FGF12: variants seen among roughly 807,000 people sequenced by gnomAD.
FGF12 encodes the protein fibroblast growth factor 12, also known as fibroblast growth factor 12B.
A neutral mutation model predicts 23.6 loss-of-function variants in FGF12; 14 were observed. The observed-to-expected ratio is 0.59, with a 90% CI of 0.39 to 0.93. FGF12 has a LOEUF of 0.93. Ranked by LOEUF, FGF12 falls within the 40% of genes least tolerant of loss-of-function variation. The probability of loss-of-function intolerance (pLI) is 0.00; values close to 1 mark genes in which losing one functional copy is unlikely to be tolerated. For synonymous variants in FGF12, 62 were observed against 77.3 expected (o/e 0.80, Z 1.04); for missense variants, 175 against 217.8 (o/e 0.80, Z 1.24).
intron 2 of FGF12, among the ~76,000 whole-genome samples, chr3:192,613,502 C>G (rs1043645415): frequency 2.0e-5 from 3 of 151,998 alleles, no homozygotes; most frequent in Admixed American, 6.6e-5. Flanking sequence ...ATTATTATAT[C>G]TAGGTTCGGA....
intron 4 of FGF12, among the ~76,000 whole-genome samples, chr3:192,257,625 T>C (rs1712483766): frequency 6.6e-6 from 1 of 152,120 alleles, no homozygotes; most frequent in Non-Finnish European, 1.5e-5. Flanking sequence ...AATATTTTGG[T>C]GCTGATTTTG....
At chr3:192,535,179 A>G (rs1205159002) in intron 2 of FGF12, among the ~76,000 whole-genome samples, 2 of 152,222 alleles carry the variant, frequency 1.3e-5, no homozygotes, top group African/African-American at 4.8e-5. Flanking sequence ...TCACAAAATC[A>G]ACTATAATAA....
At chr3:192,303,510 A>G (rs770810085) in intron 4 of FGF12, among the ~76,000 whole-genome samples, 57 of 152,204 alleles carry the variant, frequency 3.7e-4, no homozygotes, top group Non-Finnish European at 6.8e-4. Context: ...TGGCAACTCC[A>G]GTGAAGACTG....
intron 2 of FGF12, among the ~76,000 whole-genome samples, chr3:192,492,662 A>G (rs976919618): frequency 2.3e-4 from 35 of 152,320 alleles, no homozygotes; most frequent in South Asian, 1.7e-3. Flanking sequence ...CACCATTACT[A>G]GGACAAAGCT....
intron 2 of FGF12, among the ~76,000 whole-genome samples, chr3:192,543,129 T>C (rs1725412375): frequency 7.7e-6 from 1 of 129,240 alleles, no homozygotes; most frequent in Non-Finnish European, 1.7e-5. Flanking sequence ...CGTCTAGCGA[T>C]GTTTTTCAGA....
chr3:192,651,242 T>G (rs1176027533), intron 2 of FGF12, among the ~76,000 whole-genome samples: 1 of 152,170 alleles, frequency 6.6e-6, no homozygotes, highest in Non-Finnish European at 1.5e-5. Context: ...TGTTGAAGCC[T>G]TCAGAGTGGG....
intron 2 of FGF12, among the ~76,000 whole-genome samples, chr3:192,549,103 G>C (rs1161786531): frequency 6.6e-6 from 1 of 152,068 alleles, no homozygotes; most frequent in Non-Finnish European, 1.5e-5. Flanking sequence ...TGTTGCTCAG[G>C]CTAAGAAATC....
intron 2 of FGF12, among the ~76,000 whole-genome samples, chr3:192,417,957 T>C (rs1721406810): frequency 6.6e-6 from 1 of 151,982 alleles, no homozygotes; most frequent in African/African-American, 2.4e-5. Context: ...TTTGCCCATG[T>C]TTATGGTTGT....
chr3:192,378,250 A>G (rs1270938503), intron 2 of FGF12, among the ~76,000 whole-genome samples: 1 of 149,446 alleles, frequency 6.7e-6, no homozygotes, highest in East Asian at 1.9e-4. Context: ...AGCTGGGACT[A>G]CAGGCGTGTG....
chr3:192,606,043 T>A (rs1344912232), intron 2 of FGF12, among the ~76,000 whole-genome samples: 1 of 152,094 alleles, frequency 6.6e-6, no homozygotes, highest in Admixed American at 6.6e-5. Context: ...GGAAATAAAT[T>A]ATTCTACCAA....
At chr3:192,686,786 CA>C (rs1168484476) in intron 2 of FGF12, among the ~76,000 whole-genome samples, 1 of 101,300 alleles carries the variant, frequency 9.9e-6, no homozygotes, top group African/African-American at 3.8e-5. Context: ...ACTTAAAGTA[CA>C]AAAAAAAGAC....
intron 2 of FGF12, among the ~76,000 whole-genome samples, chr3:192,659,675 T>G (rs1431355473): frequency 6.6e-6 from 1 of 152,184 alleles, no homozygotes; most frequent in Non-Finnish European, 1.5e-5. Context: ...AAATTCCAAG[T>G]AGGGTCAAAT....
chr3:192,504,839 C>T (rs1724248001), intron 2 of FGF12, among the ~76,000 whole-genome samples: 1 of 152,016 alleles, frequency 6.6e-6, no homozygotes, highest in South Asian at 2.1e-4. Flanking sequence ...GAGAAAGGTG[C>T]TAAGTTCCAT....
At chr3:192,432,802 A>G (rs1417345972) in intron 2 of FGF12, among the ~76,000 whole-genome samples, 2 of 152,164 alleles carry the variant, frequency 1.3e-5, no homozygotes, top group South Asian at 4.1e-4. Context: ...GAACCTGAGT[A>G]GAGGACCCAG....
intron 4 of FGF12, among the ~76,000 whole-genome samples, chr3:192,333,889 A>G (rs1451524533): frequency 6.6e-6 from 1 of 152,080 alleles, no homozygotes; most frequent in Non-Finnish European, 1.5e-5. Context: ...TTTTAGAGGA[A>G]AGGGAGATGG....
intron 2 of FGF12, among the ~76,000 whole-genome samples, chr3:192,522,224 G>A (rs1447552371): frequency 6.6e-6 from 1 of 151,664 alleles, no homozygotes; most frequent in Non-Finnish European, 1.5e-5. Context: ...AAAAAAAACG[G>A]GGGGGACTTT....
rs540364445 is a variant in FGF12, at chr3:192,413,052, T to TTA, written c.14-52516_14-52515dup. 4.9e-3 allele frequency among the ~76,000 whole-genome samples: 750 copies of TTA among 152,166 alleles called. 10 individuals are homozygous for TTA. Among genetic ancestry groups the TTA allele is most frequent in the African/African-American group, 0.017 (718 of 41,518 alleles). Reference sequence around the variant, plus strand: ...ATGATAATTATGTAGTTATATTTAGTTATATATATATAGTCTATGTTTTTG... The same window carrying TTA: ...ATGATAATTATGTAGTTATATTTAGTTATATATATATATAGTCTATGTTTTTG... On this transcript the variant is annotated intron_variant, in intron 2 of 5. Transcript: ENST00000445105.
rs1712368731 is a variant in FGF12 at position 192,567,735 on chromosome 3, CT to C, written c.13+159445del. ...TTTTTACATGGTCTTCTCCATGTGT[CT>C]CTTTCTTTCTTTCTTTCTTTCTTTC... On this transcript the variant is annotated intron_variant, in intron 2 of 5. Coordinates refer to ENST00000445105, the MANE Select transcript of FGF12 (RefSeq NM_004113.6). Among the ~76,000 whole-genome samples, 10 of 126,056 alleles carry C rather than the reference CT, an allele frequency of 7.9e-5. No homozygotes were observed. In the East Asian group the frequency reaches 2.4e-3, roughly 30 times the overall value. 82.7% of individuals were successfully genotyped at this position (126,056 alleles called of 152,430 possible). A position where few individuals can be genotyped will look rare whatever the true frequency, so the allele number is the denominator to read the frequency against.
intron 4 of FGF12, among the ~76,000 whole-genome samples, chr3:192,266,606 C>T (rs1171967758): frequency 6.6e-6 from 1 of 152,004 alleles, no homozygotes; most frequent in Non-Finnish European, 1.5e-5. Context: ...ATAGCAATAG[C>T]AACTGCCAGA....
Sources: allele counts gnomAD v4.1 joint callset (sites outside exome capture counted in the v4.1 genomes callset), GRCh38; gene constraint gnomAD v4.1.1; transcripts MANE v1.5; gene names NCBI Gene and HGNC (gene_info 2026-07-23, HGNC 2026-07-21).